UTP6: variants seen among roughly 807,000 people sequenced by gnomAD.
The protein encoded by UTP6 is U3 small nucleolar RNA-associated protein 6 homolog.
UTP6 carries 60 observed loss-of-function variants against 96.5 expected under a neutral mutation model. That is an observed-to-expected ratio of 0.62 (90% CI 0.51 to 0.77). The LOEUF (loss-of-function observed/expected upper bound fraction) is 0.77. Among genes scored for constraint, UTP6 ranks in the 30% least tolerant of loss-of-function variants. The probability of loss-of-function intolerance (pLI) is 0.00; values close to 1 mark genes in which losing one functional copy is unlikely to be tolerated. For synonymous variants in UTP6, 215 were observed against 240.1 expected (o/e 0.90, Z 0.96); for missense variants, 637 against 706.5 (o/e 0.90, Z 1.12).
At chr17:31,893,790 C>T (rs1469545547) in intron 4 of UTP6, among the ~76,000 whole-genome samples, 1 of 151,150 alleles carries the variant, frequency 6.6e-6, no homozygotes, top group East Asian at 1.9e-4. Context: ...CACCTCTCAT[C>T]CTATCTGGCT....
intron 10 of UTP6, among the ~76,000 whole-genome samples, chr17:31,881,458 G>A (rs1272646601): frequency 6.6e-6 from 1 of 151,934 alleles, no homozygotes; most frequent in African/African-American, 2.4e-5. Flanking sequence ...TGGGAGAGAT[G>A]AGTTTTCACC....
intron 14 of UTP6, 34 bp from the exon 15 acceptor site, chr17:31,873,787 C>T (rs970513367): frequency 1.9e-6 from 3 of 1,583,386 alleles, no homozygotes; most frequent in African/African-American, 2.7e-5. Context: ...AGTTAGAGAA[C>T]AGCATATAAC....
intron 10 of UTP6, among the ~76,000 whole-genome samples, chr17:31,880,955 C>T (rs909357140): frequency 2.0e-5 from 3 of 152,138 alleles, no homozygotes; most frequent in African/African-American, 7.2e-5. Context: ...GTGGGTGGAT[C>T]ACCTGAGGTC....
chr17:31,887,340 C>A, intron 7 of UTP6, 27 bp from the exon 8 acceptor site: 1 of 1,606,168 alleles, frequency 6.2e-7, no homozygotes, highest in South Asian at 1.1e-5. Flanking sequence ...AACTGAAAAT[C>A]TTTGGAGATG....
At chr17:31,899,876 T>G in intron 1 of UTP6, 146 bp from the exon 2 acceptor site, 1 of 624,684 alleles carries the variant, frequency 1.6e-6, no homozygotes. Context: ...CCGGACACAG[T>G]GGCTCATGCC....
intron 18 of UTP6, among the ~76,000 whole-genome samples, chr17:31,864,622 G>A (rs1203407120): frequency 6.6e-6 from 1 of 152,106 alleles, no homozygotes; most frequent in Non-Finnish European, 1.5e-5. Flanking sequence ...CAGAGGGGGT[G>A]TTTTTGGTTT....
At chr17:31,877,345 T>C (rs935363791) in intron 13 of UTP6, among the ~76,000 whole-genome samples, 9 of 152,194 alleles carry the variant, frequency 5.9e-5, no homozygotes, top group African/African-American at 2.2e-4. Flanking sequence ...TGACAGTATA[T>C]AATCAGTACA....
intron 1 of UTP6, among the ~76,000 whole-genome samples, chr17:31,900,101 G>A (rs1193772191): frequency 6.6e-6 from 1 of 151,658 alleles, no homozygotes; most frequent in Non-Finnish European, 1.5e-5. Flanking sequence ...CCGAGATCGC[G>A]CCACTGCCCT....
intron 17 of UTP6, among the ~76,000 whole-genome samples, chr17:31,867,507 C>CAAAAAAA (rs753954881): frequency 8.5e-6 from 1 of 117,826 alleles, no homozygotes. Flanking sequence ...GACTCTATCT[C>CAAAAAAA]AAAAAAAAAA....
At chr17:31,898,922 C>T (rs564682500) in intron 2 of UTP6, among the ~76,000 whole-genome samples, 1 of 150,796 alleles carries the variant, frequency 6.6e-6, no homozygotes, top group East Asian at 2.0e-4. Context: ...ATCCCAGTTA[C>T]TGAGGAGGAT....
rs768580403 is a variant in UTP6, at chr17:31,901,692, G to C, written c.-65C>G. 3.0e-4 allele frequency: 461 copies of C among 1,541,214 alleles called. No individual in the cohort carries two copies. The highest frequency in any genetic ancestry group is 4.0e-4 in the Non-Finnish European group (452 of 1,122,262). ...AGCGAACACGAGCAGGAAGCTCCCG[G>C]TTTCAGGTTCGGAGACCCAGCCCTA... On this transcript the variant is annotated 5_prime_UTR_variant, in exon 1 of 19. Coordinates refer to ENST00000261708, the MANE Select transcript of UTP6 (RefSeq NM_018428.3).
rs747928533 is a variant in UTP6, at chr17:31,901,672, A to C, written c.-45T>G. On this transcript the variant is annotated 5_prime_UTR_variant, in exon 1 of 19. Transcript: ENST00000261708. ...CCCGCGGGTAGCTTCTCAACAGCGA[A>C]CACGAGCAGGAAGCTCCCGGTTTCA... 6.3e-7 allele frequency: 1 copy of C among 1,590,864 alleles called. No individual in the cohort carries two copies. Among genetic ancestry groups the C allele is most frequent in the East Asian group, 2.2e-5 (1 of 44,768 alleles).
chr17:31,882,133 C>T (rs958558707), intron 10 of UTP6, among the ~76,000 whole-genome samples: 1 of 152,062 alleles, frequency 6.6e-6, no homozygotes, highest in Non-Finnish European at 1.5e-5. Context: ...TGGGTTCAAG[C>T]GATTCTCCTG....
At chr17:31,877,808 A>C (rs1910581541) in intron 13 of UTP6, among the ~76,000 whole-genome samples, 1 of 152,014 alleles carries the variant, frequency 6.6e-6, no homozygotes, top group Non-Finnish European at 1.5e-5. Flanking sequence ...CTCTACCAAA[A>C]ATACAAAAAT....
intron 13 of UTP6, among the ~76,000 whole-genome samples, chr17:31,876,727 A>G (rs1173258841): frequency 6.8e-6 from 1 of 146,902 alleles, no homozygotes; most frequent in Non-Finnish European, 1.5e-5. Flanking sequence ...AAATTAACAA[A>G]TAGGCTGCGC....
chr17:31,877,263 T>C (rs1910549600), intron 13 of UTP6, among the ~76,000 whole-genome samples: 1 of 152,150 alleles, frequency 6.6e-6, no homozygotes, highest in Admixed American at 6.6e-5. Flanking sequence ...TCAAAATGCT[T>C]ATACCTACAT....
intron 16 of UTP6, among the ~76,000 whole-genome samples, chr17:31,869,423 C>T (rs1910028106): frequency 6.6e-6 from 1 of 152,198 alleles, no homozygotes; most frequent in Non-Finnish European, 1.5e-5. Flanking sequence ...CCACCTCAGC[C>T]TTGGCTTCCC....
intron 16 of UTP6, among the ~76,000 whole-genome samples, chr17:31,868,820 T>C (rs1039301935): frequency 2.0e-5 from 3 of 152,168 alleles, no homozygotes; most frequent in African/African-American, 4.8e-5. Flanking sequence ...AAAAAAGTTA[T>C]ACTGCATCCA....
rs1030535844 is a variant in UTP6, at chr17:31,882,307, AG to A, written c.786-1554del. Among the ~76,000 whole-genome samples the A allele has an allele frequency of 2.0e-5, 3 of 147,278 alleles. No individual in the cohort carries two copies. The Admixed American group carries it at 2.0e-4, about 10-fold the overall frequency. ...CGGCCTTCCCAAGTGCTGGGATTAC[AG>A]GCATGAGCCACTGCATCTGTTTTTT... On this transcript the variant is annotated intron_variant, in intron 10 of 18. Coordinates refer to ENST00000261708, the MANE Select transcript of UTP6 (RefSeq NM_018428.3).
Sources: gnomAD v4.1 joint callset for allele counts (sites outside exome capture counted in the v4.1 genomes callset) on GRCh38, gnomAD v4.1.1 for gene constraint, MANE v1.5 for transcripts, NCBI Gene and HGNC (gene_info 2026-07-23, HGNC 2026-07-21) for gene names.